The following UNC79 variants were observed in gnomAD, a reference collection of about 807,000 sequenced individuals.
The protein encoded by UNC79 is protein unc-79 homolog.
Under a neutral mutation model 283.1 loss-of-function variants are expected in UNC79, and 37 were observed. The ratio of observed to expected loss-of-function variants is 0.13; its 90% CI spans 0.10 to 0.17. UNC79 has a LOEUF of 0.17. Among genes scored for constraint, UNC79 ranks in the 10% least tolerant of loss-of-function variants. The pLI is 1.00. For missense variants in UNC79, 2,272 were observed against 3,211.1 expected (o/e 0.71, Z 7.07); for synonymous variants, 1,107 against 1,200.2 (o/e 0.92, Z 1.61).
At chr14:93,637,158 G>T (rs1205545347) in intron 31 of UNC79, 58 bp from the exon 35 acceptor site, 1 of 881,352 alleles carries the variant, frequency 1.1e-6, no homozygotes, top group Non-Finnish European at 2.0e-6. Context: ...AATTCTTTGT[G>T]TTCTAAATGG....
chr14:93,637,610 A>G (rs2068627101), intron 32 of UNC79, among the ~76,000 whole-genome samples: 1 of 152,154 alleles, frequency 6.6e-6, no homozygotes, highest in Non-Finnish European at 1.5e-5. Flanking sequence ...GGCATGCACC[A>G]CCACACCCAG....
chr14:93,668,849 C>CAA (rs35266903), intron 40 of UNC79, among the ~76,000 whole-genome samples: 76 of 74,422 alleles, frequency 1.0e-3, no homozygotes, highest in South Asian at 4.3e-3. Context: ...GTGTCCTTCA[C>CAA]AAAAAAAAAA....
chr14:93,611,658 T>C (rs1162741329), intron 26 of UNC79, among the ~76,000 whole-genome samples: 1 of 152,190 alleles, frequency 6.6e-6, no homozygotes, highest in African/African-American at 2.4e-5. Context: ...AACTCTTTGT[T>C]GCATCCTTTA....
At chr14:93,622,817 A>G in exon 30 of UNC79, 1 of 1,613,762 alleles carries the variant, frequency 6.2e-7, no homozygotes, top group South Asian at 1.1e-5. Flanking sequence ...CATTCTGGAC[A>G]AACTGGGAGA....
chr14:93,404,511 T>TATAAATATATATATAA (rs2055185000), intron 1 of UNC79, among the ~76,000 whole-genome samples: 2 of 117,178 alleles, frequency 1.7e-5, no homozygotes, highest in African/African-American at 6.2e-5. Flanking sequence ...TATATATATA[T>TATAAATATATATATAA]ATAAATATAT....
chr14:93,652,830 A>G lies in UNC79; in HGVS notation c.6084-912A>G, dbSNP rs924356964. Among the ~76,000 whole-genome samples the G allele has an allele frequency of 4.6e-5, 7 of 152,126 alleles. No homozygotes were observed. The East Asian group carries it at 1.4e-3, about 29-fold the overall frequency. ...TCTTTTCTGTTTCCTTCTTTTTTAA[A>G]ATTTATTTTGATAATGGCTTTATTA... is the stretch of plus-strand genomic sequence containing the variant. On this transcript the variant is annotated intron_variant, in intron 35 of 48. Coordinates refer to ENST00000555664, the Ensembl canonical transcript of UNC79.
At chr14:93,633,730 G>GT (rs2068244662) in intron 31 of UNC79, among the ~76,000 whole-genome samples, 1 of 152,066 alleles carries the variant, frequency 6.6e-6, no homozygotes. Context: ...TGGCAAAAGT[G>GT]TTTTTCATTG....
chr14:93,402,063 A>G lies in UNC79; in HGVS notation c.-350-65608A>G, dbSNP rs534543336. ...GAGGCCAACGTGGGCGGATCACCAGAGGTCAGGAGTTTGAGATCAGCCTAG... is the reference window on the plus strand; with the variant it reads ...GAGGCCAACGTGGGCGGATCACCAGGGGTCAGGAGTTTGAGATCAGCCTAG... On this transcript the variant is annotated intron_variant, in intron 1 of 49. Transcript: ENST00000256339. Among the ~76,000 whole-genome samples the G allele has an allele frequency of 6.6e-3, 1,012 of 152,220 alleles. 5 individuals are homozygous for G. Among genetic ancestry groups the G allele is most frequent in the Admixed American group, 0.011 (169 of 15,284 alleles).
At chr14:93,646,534 C>T in intron 34 of UNC79, 74 bp from the exon 38 acceptor site, 1 of 1,456,574 alleles carries the variant, frequency 6.9e-7, no homozygotes, top group South Asian at 1.2e-5. Flanking sequence ...CACAACAGGT[C>T]CTCCCACAAT....
intron 1 of UNC79, among the ~76,000 whole-genome samples, chr14:93,418,741 C>G (rs889687858): frequency 6.6e-6 from 1 of 151,898 alleles, no homozygotes; most frequent in South Asian, 2.1e-4. Context: ...CGCCCCTCCC[C>G]CAGCCTCGCT....
chr14:93,537,703 C>G (rs2061159145), intron 11 of UNC79, among the ~76,000 whole-genome samples: 1 of 152,196 alleles, frequency 6.6e-6, no homozygotes, highest in South Asian at 2.1e-4. Flanking sequence ...TGTCCTCCTC[C>G]TCGCTCCCCC....
chr14:93,592,178 T>C (rs937245175), intron 22 of UNC79, among the ~76,000 whole-genome samples: 1 of 146,092 alleles, frequency 6.8e-6, no homozygotes, highest in Non-Finnish European at 1.5e-5. Flanking sequence ...TTTCCTTTTT[T>C]TTTTTTTTTT....
intron 4 of UNC79, among the ~76,000 whole-genome samples, chr14:93,481,005 A>G (rs2058103448): frequency 6.6e-6 from 1 of 152,166 alleles, no homozygotes; most frequent in African/African-American, 2.4e-5. Flanking sequence ...TAAAGTTCTG[A>G]TCTTTGAAGT....
At chr14:93,646,191 T>A (rs552348459) in intron 34 of UNC79, among the ~76,000 whole-genome samples, 1 of 152,332 alleles carries the variant, frequency 6.6e-6, no homozygotes, top group South Asian at 2.1e-4. Flanking sequence ...ATTCCTGTTA[T>A]CTATTTTACT....
intron 14 of UNC79, among the ~76,000 whole-genome samples, chr14:93,549,344 T>C (rs1267176138): frequency 2.6e-5 from 4 of 152,194 alleles, no homozygotes; most frequent in Non-Finnish European, 5.9e-5. Context: ...CATTGGTAAA[T>C]ATATTAGTTT....
At chr14:93,483,313 A>G (rs2140418524) in intron 4 of UNC79, among the ~76,000 whole-genome samples, 1 of 152,308 alleles carries the variant, frequency 6.6e-6, no homozygotes, top group East Asian at 1.9e-4. Flanking sequence ...CCATAAAAAC[A>G]TTAAAAATTT....
At chr14:93,367,894 A>G (rs1173051094) in intron 1 of UNC79, among the ~76,000 whole-genome samples, 1 of 152,254 alleles carries the variant, frequency 6.6e-6, no homozygotes, top group Non-Finnish European at 1.5e-5. Flanking sequence ...AGAAGAAGTC[A>G]ATATGGACAC....
intron 1 of UNC79, among the ~76,000 whole-genome samples, chr14:93,466,630 G>A (rs555857836): frequency 8.5e-5 from 13 of 152,154 alleles, no homozygotes; most frequent in Non-Finnish European, 1.3e-4. Context: ...GCTTATTTCC[G>A]TGGGTTATTG....
At chr14:93,340,875 G>A (rs960356064) in intron 1 of UNC79, among the ~76,000 whole-genome samples, 8 of 152,086 alleles carry the variant, frequency 5.3e-5, no homozygotes, top group African/African-American at 1.9e-4. Flanking sequence ...TCTGGCCTAC[G>A]AGAAACCTTT....
Sources: allele counts gnomAD v4.1 joint callset (sites outside exome capture counted in the v4.1 genomes callset), GRCh38; gene constraint gnomAD v4.1.1; transcripts MANE v1.5; gene names NCBI Gene and HGNC (gene_info 2026-07-23, HGNC 2026-07-21).